The following BCR variants were observed in gnomAD, a reference collection of about 807,000 sequenced individuals.
The protein encoded by BCR is breakpoint cluster region protein.
A neutral mutation model predicts 138.6 loss-of-function variants in BCR; 58 were observed. The ratio of observed to expected loss-of-function variants is 0.42; its 90% CI spans 0.34 to 0.52. The LOEUF (loss-of-function observed/expected upper bound fraction) is 0.52, where lower values mean the gene tolerates loss of function less well. Among genes scored for constraint, BCR ranks in the 20% least tolerant of loss-of-function variants. The pLI, the probability that BCR is intolerant of heterozygous loss-of-function variation, is 0.06. For missense variants in BCR, 1,599 were observed against 1,727.2 expected, an observed-to-expected ratio of 0.93 and a Z score of 1.32; for synonymous variants, 786 against 730.1, an observed-to-expected ratio of 1.08 and a Z score of -1.23.
At chr22:23,297,204 G>GT (rs1568979500) in intron 16 of BCR, among the ~76,000 whole-genome samples, 5 of 124,184 alleles carry the variant, frequency 4.0e-5, no homozygotes, top group South Asian at 2.7e-4. Flanking sequence ...GCCTGGCTAA[G>GT]TTGTTTTTTG....
rs185354537 is a variant in BCR at position 23,253,130 on chromosome 22, G to A, written c.1280-669G>A. Among the ~76,000 whole-genome samples the A allele has an allele frequency of 3.9e-3, 601 of 152,304 alleles. 4 individuals carry two copies. Among genetic ancestry groups the A allele is most frequent in the African/African-American group, 0.014 (572 of 41,562 alleles). ...TTTTTAATACAAAGATACAACTCAG[G>A]AACAGCCATATGGAGGAGGTGCACA... On this transcript the variant is annotated intron_variant, in intron 1 of 22. Coordinates refer to ENST00000305877, the MANE Select transcript of BCR (RefSeq NM_004327.4).
chr22:23,256,826 T>C (rs1740786828), intron 2 of BCR, among the ~76,000 whole-genome samples: 1 of 152,164 alleles, frequency 6.6e-6, no homozygotes, highest in Non-Finnish European at 1.5e-5. Flanking sequence ...TGTTCTCTGT[T>C]GGCTTTTCCT....
intron 9 of BCR, among the ~76,000 whole-genome samples, chr22:23,284,654 G>A (rs1321983363): frequency 6.6e-6 from 1 of 152,182 alleles, no homozygotes; most frequent in Admixed American, 6.5e-5. Flanking sequence ...CATCTGTCAG[G>A]CGAGGGGATG....
chr22:23,206,429 T>G (rs926546129), intron 1 of BCR, among the ~76,000 whole-genome samples: 6 of 151,806 alleles, frequency 4.0e-5, no homozygotes, highest in African/African-American at 1.5e-4. Context: ...AAAAAAAAAG[T>G]AGCCGGGCGT....
intron 1 of BCR, among the ~76,000 whole-genome samples, chr22:23,226,365 T>C (rs2072894834): frequency 6.6e-6 from 1 of 151,964 alleles, no homozygotes; most frequent in Non-Finnish European, 1.5e-5. Flanking sequence ...TCAGAAGTGG[T>C]GTATCAGCTG....
chr22:23,262,307 G>A (rs943245183), intron 4 of BCR, among the ~76,000 whole-genome samples: 3 of 152,092 alleles, frequency 2.0e-5, no homozygotes, highest in Non-Finnish European at 4.4e-5. Flanking sequence ...CTCTGGCCTC[G>A]GGCCTCCCCT....
intron 1 of BCR, among the ~76,000 whole-genome samples, chr22:23,216,610 C>A (rs1316029695): frequency 6.6e-6 from 1 of 152,238 alleles, no homozygotes; most frequent in African/African-American, 2.4e-5. Context: ...CAAACCATCC[C>A]AAAGTTTAGA....
At position 23,288,080 on chromosome 22, in the gene BCR, C is replaced by T; in HGVS notation, c.2527-17C>T. On this transcript the variant is annotated splice_polypyrimidine_tract_variant and intron_variant, in intron 11 of 22. Coordinates refer to ENST00000305877, the MANE Select transcript of BCR (RefSeq NM_004327.4). The stretch of plus-strand genomic sequence containing the variant: ...CAGGGCGGAGATAACTGGGTGTGTT[C>T]TTCTTGCCCACCCTAGAGTTACACG... 6.2e-7 allele frequency: 1 copy of T among 1,613,212 alleles called. No homozygotes were observed. The highest frequency in any genetic ancestry group is 8.5e-7 in the Non-Finnish European group (1 of 1,179,362).
chr22:23,219,154 G>A (rs539534672), intron 1 of BCR, among the ~76,000 whole-genome samples: 1 of 152,310 alleles, frequency 6.6e-6, no homozygotes, highest in East Asian at 1.9e-4. Context: ...CAGGGGGAGG[G>A]GAGAAAGTGA....
chr22:23,185,519 GC>G (rs2072329438), intron 1 of BCR, among the ~76,000 whole-genome samples: 1 of 151,728 alleles, frequency 6.6e-6, no homozygotes, highest in Non-Finnish European at 1.5e-5. Flanking sequence ...CAAAAAATTA[GC>G]CGGGTGTGGT....
At chr22:23,254,906 T>C (rs1240343617) in intron 2 of BCR, among the ~76,000 whole-genome samples, 1 of 152,122 alleles carries the variant, frequency 6.6e-6, no homozygotes, top group Non-Finnish European at 1.5e-5. Context: ...CTCACACCTA[T>C]AATCCCAGCG....
In BCR at chr22:23,181,074, C is replaced by T. The variant is rs1418299607; in HGVS notation, c.114C>T (p.Cys38=). 1 of 1,520,106 alleles carries T rather than the reference C, an allele frequency of 6.6e-7. No individual in the cohort carries two copies. The highest frequency in any genetic ancestry group is 8.9e-7 in the Non-Finnish European group (1 of 1,128,464). 94.2% of individuals were successfully genotyped at this position (1,520,106 alleles called of 1,614,324 possible). A position where few individuals can be genotyped will look rare whatever the true frequency, so the allele number is the denominator to read the frequency against. ...ACATCGAGCAGGAGCTGGAGCGCTG[C>T]AAGGCCTCCATTCGGCGCCTGGAGC... ...VGDIEQELER[C]KASIRRLEQE... The change falls in exon 1 of 23, where the codon TGC becomes TGT. Residue 38 remains cysteine (C), a synonymous_variant. Transcript: ENST00000305877.
chr22:23,273,028 G>T, intron 6 of BCR, 53 bp from the exon 7 acceptor site: 2 of 1,593,878 alleles, frequency 1.3e-6, no homozygotes, highest in Non-Finnish European at 1.7e-6. Flanking sequence ...TGGTCAGGCA[G>T]CTGGTGTGCT....
At chr22:23,255,270 A>G (rs2073280138) in intron 2 of BCR, among the ~76,000 whole-genome samples, 2 of 152,280 alleles carry the variant, frequency 1.3e-5, no homozygotes, top group South Asian at 2.1e-4. Context: ...AGTGGGTAAC[A>G]TGTACCTGCT....
chr22:23,195,577 A>T (rs908545731), intron 1 of BCR, among the ~76,000 whole-genome samples: 1 of 151,354 alleles, frequency 6.6e-6, no homozygotes, highest in Non-Finnish European at 1.5e-5. Flanking sequence ...TGGGTGACAG[A>T]GCGAGACTGT....
intron 1 of BCR, among the ~76,000 whole-genome samples, chr22:23,190,353 A>T (rs956687199): frequency 6.6e-6 from 1 of 152,060 alleles, no homozygotes; most frequent in African/African-American, 2.4e-5. Flanking sequence ...TTTTTAGTAG[A>T]GACGGGGTTT....
intron 1 of BCR, among the ~76,000 whole-genome samples, chr22:23,185,314 G>A (rs1386856850): frequency 6.6e-6 from 1 of 152,178 alleles, no homozygotes; most frequent in African/African-American, 2.4e-5. Flanking sequence ...TCCAGTCTTT[G>A]CACCCTGGGC....
At chr22:23,206,474 G>A (rs1241230454) in intron 1 of BCR, among the ~76,000 whole-genome samples, 1 of 151,976 alleles carries the variant, frequency 6.6e-6, no homozygotes, top group African/African-American at 2.4e-5. Flanking sequence ...CTACTCGGGA[G>A]GCTGAGGCAG....
chr22:23,273,283 G>C (rs977413552), intron 7 of BCR, 150 bp downstream of exon 7: 3 of 886,138 alleles, frequency 3.4e-6, no homozygotes, highest in African/African-American at 1.7e-5. Context: ...GGTGGTGTTG[G>C]ACATTCTGTA....
Sources: gnomAD v4.1 joint callset for allele counts (sites outside exome capture counted in the v4.1 genomes callset) on GRCh38, gnomAD v4.1.1 for gene constraint, MANE v1.5 for transcripts, NCBI Gene and HGNC (gene_info 2026-07-23, HGNC 2026-07-21) for gene names.